The following CPEB4 variants were observed in gnomAD, a reference collection of about 807,000 sequenced individuals.
CPEB4 encodes cytoplasmic polyadenylation element-binding protein 4.
In CPEB4, 12 loss-of-function variants were observed where a neutral mutation model predicts 72.5. That is an observed-to-expected ratio of 0.17 (90% CI 0.11 to 0.27). CPEB4 has a LOEUF of 0.27. Ranked by LOEUF, CPEB4 falls within the 10% of genes least tolerant of loss-of-function variation. The pLI is 1.00. For missense variants in CPEB4, 614 were observed against 908.5 expected (o/e 0.68, Z 4.17); for synonymous variants, 302 against 326.3 (o/e 0.93, Z 0.80).
intron 3 of CPEB4, among the ~76,000 whole-genome samples, chr5:173,940,117 TAAATC>T (rs1757784291): frequency 6.6e-6 from 1 of 151,886 alleles, no homozygotes; most frequent in Admixed American, 6.6e-5. Context: ...AAAAATAAAA[TAAATC>T]AAAACTAAGA....
chr5:173,916,571 G>A (rs1332002409), intron 2 of CPEB4, among the ~76,000 whole-genome samples: 6 of 152,162 alleles, frequency 3.9e-5, no homozygotes, highest in African/African-American at 1.4e-4. Context: ...AAGGTGTTGT[G>A]ACCTTGCATT....
At chr5:173,954,806 T>C (rs1174295825) in intron 9 of CPEB4, among the ~76,000 whole-genome samples, 1 of 152,238 alleles carries the variant, frequency 6.6e-6, no homozygotes, top group African/African-American at 2.4e-5. Flanking sequence ...TGAAATCCTT[T>C]GCCCAGTGTT....
intron 5 of CPEB4, among the ~76,000 whole-genome samples, chr5:173,948,470 T>C (rs1758108964): frequency 6.6e-6 from 1 of 152,140 alleles, no homozygotes; most frequent in Non-Finnish European, 1.5e-5. Context: ...AAGAACAGCC[T>C]GGGCAACATA....
At chr5:173,922,413 C>T (rs1159182953) in intron 2 of CPEB4, among the ~76,000 whole-genome samples, 1 of 151,984 alleles carries the variant, frequency 6.6e-6, no homozygotes, top group Non-Finnish European at 1.5e-5. Flanking sequence ...GTATTTTTTG[C>T]AGAAATGGGG....
At chr5:173,893,977 A>C (rs951864569) in intron 1 of CPEB4, among the ~76,000 whole-genome samples, 1 of 152,094 alleles carries the variant, frequency 6.6e-6, no homozygotes, top group Non-Finnish European at 1.5e-5. Flanking sequence ...AGAGGGCATC[A>C]CTCAAATCCT....
intron 1 of CPEB4, among the ~76,000 whole-genome samples, chr5:173,898,187 A>C (rs918532195): frequency 5.9e-5 from 9 of 152,184 alleles, no homozygotes; most frequent in Admixed American, 1.3e-4. Flanking sequence ...TTAAATCTAT[A>C]TTTATTTTAA....
At chr5:173,918,836 C>T (rs1490720220) in intron 2 of CPEB4, among the ~76,000 whole-genome samples, 1 of 152,068 alleles carries the variant, frequency 6.6e-6, no homozygotes, top group African/African-American at 2.4e-5. Context: ...GATGTGGGTC[C>T]GTAATTACTT....
Position 173,956,205 on chromosome 5 carries a change from C to A in CPEB4, c.*68C>A. ...ACTCTTCTGTTCATTCTGACCCCTTCCTCAACCTCTTCACGCTGGCATGTC... is the reference window on the plus strand; with the variant it reads ...ACTCTTCTGTTCATTCTGACCCCTTACTCAACCTCTTCACGCTGGCATGTC... On this transcript the variant is annotated 3_prime_UTR_variant, in exon 10 of 10. Transcript: ENST00000265085. The A allele has an allele frequency of 8.1e-7, 1 of 1,237,752 alleles. No individual in the cohort carries two copies. The highest frequency in any genetic ancestry group is 2.3e-5 in the East Asian group (1 of 42,830). The allele number at this position is 1,237,752 out of a possible 1,614,324, so 76.7% of individuals were successfully genotyped here.
chr5:173,914,022 T>G (rs1756774336), intron 2 of CPEB4, among the ~76,000 whole-genome samples: 1 of 152,250 alleles, frequency 6.6e-6, no homozygotes. Context: ...TAAGTTTAGG[T>G]GCCAATCTGG....
At chr5:173,940,451 T>G (rs1757797888) in intron 3 of CPEB4, among the ~76,000 whole-genome samples, 1 of 152,204 alleles carries the variant, frequency 6.6e-6, no homozygotes, top group Non-Finnish European at 1.5e-5. Flanking sequence ...AGCAGAGAAG[T>G]TCTATGTTGC....
intron 3 of CPEB4, among the ~76,000 whole-genome samples, chr5:173,935,377 T>A (rs1757584013): frequency 6.6e-6 from 1 of 152,190 alleles, no homozygotes; most frequent in African/African-American, 2.4e-5. Context: ...AAAAGCCTAA[T>A]CTATTATGTC....
rs538141969 is a variant in CPEB4 at position 173,953,643 on chromosome 5, T to G, written c.1962+371T>G. Reference sequence around the variant, plus strand: ...GGAATGCCCTTGAGGTTTCCTGCCCTTTTTTTTGTTTGTTTTTTAATCCTG... The same window carrying G: ...GGAATGCCCTTGAGGTTTCCTGCCCGTTTTTTTGTTTGTTTTTTAATCCTG... On this transcript the variant is annotated intron_variant, in intron 9 of 9. Transcript: ENST00000265085. Among the ~76,000 whole-genome samples, 20 of 152,090 alleles carry G rather than the reference T, an allele frequency of 1.3e-4. No homozygotes were observed. The South Asian group carries it at 4.2e-3, about 32-fold the overall frequency.
intron 1 of CPEB4, among the ~76,000 whole-genome samples, chr5:173,892,274 A>ATTT (rs71820084): frequency 8.3e-5 from 10 of 120,770 alleles, no homozygotes; most frequent in African/African-American, 2.8e-4. Context: ...TCTAAAAACG[A>ATTT]TTTTTTTTTT....
In CPEB4 at chr5:173,959,288, G is replaced by C. The variant is rs1758474646; in HGVS notation, c.*3151G>C. The C allele has an allele frequency of 6.5e-6, 1 of 152,868 alleles. No homozygotes were observed. Among genetic ancestry groups the C allele is most frequent in the African/African-American group, 2.4e-5 (1 of 41,568 alleles). 9.5% of individuals were successfully genotyped at this position (152,868 alleles called of 1,614,324 possible). A position where few individuals can be genotyped will look rare whatever the true frequency, so the allele number is the denominator to read the frequency against. ...TAAAGTGTTTCTGATTATTTTCTAT[G>C]TAAAGGAACCCTCTCCTTTCCCCTT... On this transcript the variant is annotated 3_prime_UTR_variant, in exon 10 of 10. Transcript: ENST00000265085.
At position 173,890,311 on chromosome 5, in the gene CPEB4, G is replaced by T. The variant is rs201371529; in HGVS notation, c.578G>T (p.Gly193Val). Residue 193 changes from glycine to valine, a missense_variant, in exon 1 of 10, where the codon GGA (glycine) becomes GTA (valine). Coordinates refer to ENST00000265085, the MANE Select transcript of CPEB4 (RefSeq NM_030627.4). ...INEDASFFHQ[G>V]GVPAASANNG... Reference sequence around the variant, plus strand: ...GAAGATGCAAGTTTCTTTCACCAGGGAGGGGTCCCTGCTGCTTCGGCTAAT... The same window carrying T: ...GAAGATGCAAGTTTCTTTCACCAGGTAGGGGTCCCTGCTGCTTCGGCTAAT... 1 of 1,614,106 alleles carries T rather than the reference G, an allele frequency of 6.2e-7. No individual in the cohort carries two copies. Among genetic ancestry groups the T allele is most frequent in the Non-Finnish European group, 8.5e-7 (1 of 1,180,020 alleles).
intron 4 of CPEB4, among the ~76,000 whole-genome samples, chr5:173,943,583 A>G (rs1757920676): frequency 6.6e-6 from 1 of 152,166 alleles, no homozygotes; most frequent in Admixed American, 6.5e-5. Flanking sequence ...GTAATTCTAA[A>G]GAATCATTTC....
At chr5:173,899,062 C>T (rs1439405842) in intron 1 of CPEB4, among the ~76,000 whole-genome samples, 1 of 152,214 alleles carries the variant, frequency 6.6e-6, no homozygotes, top group East Asian at 1.9e-4. Context: ...TTTTCTTGAA[C>T]ACTGCTGAAA....
Position 173,941,549 on chromosome 5 carries a change from T to C in CPEB4, c.1259-1477T>C, listed in dbSNP as rs1757841886. On this transcript the variant is annotated intron_variant, in intron 3 of 9. Coordinates refer to ENST00000265085, the MANE Select transcript of CPEB4 (RefSeq NM_030627.4). Reference sequence around the variant, plus strand: ...AATGAGAATAAAAACCTTGACCAGTTTGTGAGTTTGTATAGTGATTTCTTA... The same window carrying C: ...AATGAGAATAAAAACCTTGACCAGTCTGTGAGTTTGTATAGTGATTTCTTA... 2.0e-5 allele frequency among the ~76,000 whole-genome samples: 3 copies of C among 152,192 alleles called. 1 individual carries two copies. The South Asian group carries it at 6.2e-4, about 32-fold the overall frequency.
rs1343455700 is a variant in CPEB4 at position 173,912,896 on chromosome 5, C to A, written c.1207+2292C>A. ...GGTTGAGGCTGCAGTGAGCTGTGTT[C>A]CTGCTCTTTAAGACCCTGTCTCAAA... On this transcript the variant is annotated intron_variant, in intron 2 of 9. Coordinates refer to ENST00000265085, the MANE Select transcript of CPEB4 (RefSeq NM_030627.4). Among the ~76,000 whole-genome samples the A allele has an allele frequency of 2.7e-5, 4 of 146,560 alleles. No individual in the cohort carries two copies. The South Asian group carries it at 6.5e-4, about 24-fold the overall frequency.
Sources: allele counts gnomAD v4.1 joint callset (sites outside exome capture counted in the v4.1 genomes callset), GRCh38; gene constraint gnomAD v4.1.1; transcripts MANE v1.5; gene names NCBI Gene and HGNC (gene_info 2026-07-23, HGNC 2026-07-21).